The following B3GALT1 variants were observed in gnomAD, a reference collection of about 807,000 sequenced individuals.
The protein encoded by B3GALT1 is beta-1,3-galactosyltransferase 1.
In B3GALT1, 10 loss-of-function variants were observed where a neutral mutation model predicts 23.2. The observed-to-expected ratio is 0.43, with a 90% CI of 0.27 to 0.73. B3GALT1 has a LOEUF of 0.73. B3GALT1 is among the 30% of genes least tolerant of loss of function. The pLI is 0.21. For missense variants in B3GALT1, 299 were observed against 405.4 expected (o/e 0.74, Z 2.25); for synonymous variants, 156 against 141.5 (o/e 1.10, Z -0.73).
At position 167,794,390 on chromosome 2, in the gene B3GALT1, C is replaced by A. The variant is rs1350143678; in HGVS notation, c.-351-24282C>A. Reference sequence around the variant, plus strand: ...GTTCAGGAAGTAAAAGAATAAAATTCTTTCTGTTGATTTACTGTTGCATAA... The same window carrying A: ...GTTCAGGAAGTAAAAGAATAAAATTATTTCTGTTGATTTACTGTTGCATAA... On this transcript the variant is annotated intron_variant, in intron 3 of 4. Transcript: ENST00000392690. Among the ~76,000 whole-genome samples, 6 of 152,180 alleles carry A rather than the reference C, an allele frequency of 3.9e-5. No individual in the cohort carries two copies. In the East Asian group the frequency reaches 9.6e-4, roughly 24 times the overall value.
intron 2 of B3GALT1, among the ~76,000 whole-genome samples, chr2:167,542,877 T>A (rs960500909): frequency 1.3e-5 from 2 of 151,994 alleles, no homozygotes; most frequent in Non-Finnish European, 2.9e-5. Flanking sequence ...TAGATGTATA[T>A]TGTTTATTTA....
At chr2:167,437,856 CT>C (rs1269600999) in intron 1 of B3GALT1, among the ~76,000 whole-genome samples, 1 of 152,156 alleles carries the variant, frequency 6.6e-6, no homozygotes, top group Non-Finnish European at 1.5e-5. Context: ...ATGACCTGAA[CT>C]GGAGATATTC....
At chr2:167,657,165 A>C (rs575112035) in intron 3 of B3GALT1, among the ~76,000 whole-genome samples, 1 of 152,154 alleles carries the variant, frequency 6.6e-6, no homozygotes, top group African/African-American at 2.4e-5. Context: ...GGTTCCTTCA[A>C]GATACCCAGG....
chr2:167,343,612 C>G (rs992714433), intron 1 of B3GALT1, among the ~76,000 whole-genome samples: 1 of 152,078 alleles, frequency 6.6e-6, no homozygotes, highest in African/African-American at 2.4e-5. Context: ...TGCTCTTAAC[C>G]TGTGTAGGCT....
intron 4 of B3GALT1, among the ~76,000 whole-genome samples, chr2:167,837,623 CAG>C (rs1689511468): frequency 1.3e-5 from 2 of 150,630 alleles, no homozygotes; most frequent in Admixed American, 6.6e-5. Flanking sequence ...ATCAACGAGA[CAG>C]AAAGTCAACA....
intron 3 of B3GALT1, among the ~76,000 whole-genome samples, chr2:167,780,604 C>T (rs1434151209): frequency 6.6e-6 from 1 of 152,098 alleles, no homozygotes; most frequent in East Asian, 1.9e-4. Flanking sequence ...TGGTAAAGCC[C>T]GAATTATTGA....
At chr2:167,566,355 G>T (rs1385720907) in intron 2 of B3GALT1, among the ~76,000 whole-genome samples, 1 of 151,202 alleles carries the variant, frequency 6.6e-6, no homozygotes, top group East Asian at 1.9e-4. Context: ...CTGTTTTGGG[G>T]TGGGGGGAGA....
intron 3 of B3GALT1, among the ~76,000 whole-genome samples, chr2:167,738,040 A>C (rs191567796): frequency 6.6e-6 from 1 of 152,186 alleles, no homozygotes; most frequent in South Asian, 2.1e-4. Context: ...CCTGAGATTT[A>C]TGTTTCTTTT....
chr2:167,773,112 A>C (rs925059314), intron 3 of B3GALT1, among the ~76,000 whole-genome samples: 1 of 152,182 alleles, frequency 6.6e-6, no homozygotes, highest in East Asian at 1.9e-4. Context: ...TTTTAATTCA[A>C]TAAGTGTTTT....
chr2:167,848,349 TACTAG>T (rs1689805699), intron 4 of B3GALT1, among the ~76,000 whole-genome samples: 1 of 152,096 alleles, frequency 6.6e-6, no homozygotes, highest in African/African-American at 2.4e-5. Context: ...CTTAACAAAA[TACTAG>T]CTAACCAAAT....
intron 3 of B3GALT1, among the ~76,000 whole-genome samples, chr2:167,803,460 T>C (rs943912019): frequency 1.2e-4 from 18 of 152,202 alleles, no homozygotes; most frequent in Non-Finnish European, 2.5e-4. Context: ...ATGTGGAGTT[T>C]TCTGTCGTCC....
At chr2:167,611,482 G>A (rs1434500482) in intron 2 of B3GALT1, among the ~76,000 whole-genome samples, 1 of 151,868 alleles carries the variant, frequency 6.6e-6, no homozygotes, top group East Asian at 1.9e-4. Flanking sequence ...TGAAAGTGTT[G>A]AAAAGGCACA....
chr2:167,319,132 C>T (rs1696763870), intron 1 of B3GALT1, among the ~76,000 whole-genome samples: 1 of 152,056 alleles, frequency 6.6e-6, no homozygotes, highest in African/African-American at 2.4e-5. Context: ...ATGGTAATGG[C>T]CAGGGCACAC....
intron 1 of B3GALT1, among the ~76,000 whole-genome samples, chr2:167,403,502 TA>T (rs565141727): frequency 5.8e-4 from 84 of 145,702 alleles, no homozygotes; most frequent in South Asian, 6.5e-4. Context: ...GCACCATGTT[TA>T]AAAAAAAAAA....
At chr2:167,678,600 A>T (rs1242121007) in intron 3 of B3GALT1, among the ~76,000 whole-genome samples, 1 of 152,146 alleles carries the variant, frequency 6.6e-6, no homozygotes, top group Non-Finnish European at 1.5e-5. Context: ...TGATTTTTTC[A>T]TGGGCTCAGT....
chr2:167,675,670 A>C (rs973157902), intron 3 of B3GALT1, among the ~76,000 whole-genome samples: 4 of 151,852 alleles, frequency 2.6e-5, no homozygotes, highest in Non-Finnish European at 4.4e-5. Context: ...AACCCCAAAA[A>C]CTCTGACCAA....
rs141657734 is a variant in B3GALT1 at position 167,455,212 on chromosome 2, T to C, written c.-510-34965T>C. ...AAAAATATGCTCACACATTGGACTT[T>C]ATGGAATGATGACATTTGCTTTTAG... is the stretch of plus-strand genomic sequence containing the variant. On this transcript the variant is annotated intron_variant, in intron 1 of 4. Coordinates refer to ENST00000392690, the MANE Select transcript of B3GALT1 (RefSeq NM_020981.4). 4.4e-3 allele frequency among the ~76,000 whole-genome samples: 668 copies of C among 152,318 alleles called. 1 individual carries two copies. Among genetic ancestry groups the C allele is most frequent in the Non-Finnish European group, 6.6e-3 (449 of 68,020 alleles).
intron 2 of B3GALT1, among the ~76,000 whole-genome samples, chr2:167,595,426 T>C (rs1289552370): frequency 6.6e-6 from 1 of 152,236 alleles, no homozygotes; most frequent in Non-Finnish European, 1.5e-5. Context: ...CGTTAAATCA[T>C]AGGTGACTAA....
intron 2 of B3GALT1, among the ~76,000 whole-genome samples, chr2:167,500,427 A>T (rs1284107354): frequency 6.6e-6 from 1 of 152,198 alleles, no homozygotes; most frequent in Non-Finnish European, 1.5e-5. Flanking sequence ...CTAATGAGAA[A>T]AAAAATTGTG....
Sources: allele counts gnomAD v4.1 joint callset (sites outside exome capture counted in the v4.1 genomes callset), GRCh38; gene constraint gnomAD v4.1.1; transcripts MANE v1.5; gene names NCBI Gene and HGNC (gene_info 2026-07-23, HGNC 2026-07-21).